The following RDX variants were observed in gnomAD, a reference collection of about 807,000 sequenced individuals.
The protein encoded by RDX is radixin, also known as deafness, autosomal recessive 24.
A neutral mutation model predicts 83.7 loss-of-function variants in RDX; 32 were observed. That is an observed-to-expected ratio of 0.38 (90% CI 0.29 to 0.51). RDX has a LOEUF of 0.51. RDX is among the 20% of genes least tolerant of loss of function. The pLI is 0.87. For synonymous variants in RDX, 229 were observed against 222.7 expected (o/e 1.03, Z -0.25); for missense variants, 600 against 689.9 (o/e 0.87, Z 1.46).
chr11:110,276,622 T>A (rs1481847449), intron 2 of RDX, among the ~76,000 whole-genome samples: 1 of 152,236 alleles, frequency 6.6e-6, no homozygotes, highest in African/African-American at 2.4e-5. Context: ...ACTATGGTTT[T>A]CTCACTGTAC....
intron 1 of RDX, among the ~76,000 whole-genome samples, chr11:110,283,749 A>C (rs1257641628): frequency 1.3e-5 from 2 of 152,162 alleles, no homozygotes; most frequent in African/African-American, 2.4e-5. Context: ...ACTTGAAAAA[A>C]ATTATAGTTT....
At chr11:110,259,680 T>G (rs1254588861) in intron 5 of RDX, among the ~76,000 whole-genome samples, 1 of 152,194 alleles carries the variant, frequency 6.6e-6, no homozygotes, top group Non-Finnish European at 1.5e-5. Context: ...CTTGTCTTTC[T>G]TGCTGTCTGG....
intron 3 of RDX, among the ~76,000 whole-genome samples, chr11:110,267,838 T>C (rs1258513455): frequency 1.3e-5 from 2 of 149,928 alleles, no homozygotes; most frequent in East Asian, 4.0e-4. Context: ...TCTGTAGTTC[T>C]AGCTAATCAG....
chr11:110,245,428 T>C (rs897984861), intron 10 of RDX, among the ~76,000 whole-genome samples: 1 of 152,160 alleles, frequency 6.6e-6, no homozygotes, highest in Non-Finnish European at 1.5e-5. Context: ...AGTGAGAACC[T>C]GTCTCACCAA....
intron 14 of RDX, among the ~76,000 whole-genome samples, chr11:110,214,736 C>G (rs1863967451): frequency 1.2e-5 from 1 of 81,078 alleles, no homozygotes; most frequent in East Asian, 5.6e-4. Flanking sequence ...TAAACTATCG[C>G]AAGAACAAAA....
intron 15 of RDX, among the ~76,000 whole-genome samples, chr11:110,188,280 G>C (rs1397174937): frequency 6.7e-6 from 1 of 148,432 alleles, no homozygotes; most frequent in Non-Finnish European, 1.5e-5. Flanking sequence ...GGCAACAAGA[G>C]CGAGACTCTG....
chr11:110,290,768 G>C (rs1025462508), intron 1 of RDX, among the ~76,000 whole-genome samples: 17 of 152,212 alleles, frequency 1.1e-4, no homozygotes, highest in Non-Finnish European at 1.9e-4. Flanking sequence ...TTCTACTGTT[G>C]TAGCAGGAAA....
intron 13 of RDX, 49 bp from the exon 14 acceptor site, chr11:110,232,082 A>G: frequency 6.9e-7 from 1 of 1,454,128 alleles, no homozygotes; most frequent in South Asian, 1.2e-5. Flanking sequence ...TTAGATTTAA[A>G]AAAATTTATG....
At chr11:110,183,109 C>G (rs1862919451) in intron 15 of RDX, among the ~76,000 whole-genome samples, 2 of 152,136 alleles carry the variant, frequency 1.3e-5, no homozygotes, top group Non-Finnish European at 2.9e-5. Flanking sequence ...ATGTGGGTTA[C>G]CCGCACCTTG....
chr11:110,200,963 G>A (rs547105106), intron 14 of RDX, among the ~76,000 whole-genome samples: 1 of 152,226 alleles, frequency 6.6e-6, no homozygotes, highest in South Asian at 2.1e-4. Flanking sequence ...ATCACCTGAG[G>A]TCGGGAGTTC....
chr11:110,262,806 G>A (rs893768133), intron 5 of RDX, among the ~76,000 whole-genome samples: 4 of 152,076 alleles, frequency 2.6e-5, no homozygotes, highest in Admixed American at 6.6e-5. Context: ...ATGTACCTAA[G>A]GTCACATATA....
chr11:110,199,509 T>A, intron 15 of RDX: 2 of 697,620 alleles, frequency 2.9e-6, no homozygotes, highest in Non-Finnish European at 5.2e-6. Flanking sequence ...ACCAGCATCC[T>A]GGCAGTGGAA....
rs554802369 is a variant in RDX at position 110,240,640 on chromosome 11, G to A, written c.1091-2988C>T. 3.3e-5 allele frequency among the ~76,000 whole-genome samples: 5 copies of A among 151,564 alleles called. No individual in the cohort carries two copies. In the East Asian group the frequency reaches 9.8e-4, roughly 30 times the overall value. ...GGCGCCTGTAGTCCCAGCTACTCGG[G>A]AGGCTGAGGCAGGAGAATGGCGTGA... is the stretch of plus-strand genomic sequence containing the variant. On this transcript the variant is annotated intron_variant, in intron 10 of 13. Coordinates refer to ENST00000645495, the MANE Select transcript of RDX (RefSeq NM_002906.4).
chr11:110,215,016 A>C (rs925905458), intron 14 of RDX, among the ~76,000 whole-genome samples: 6 of 139,398 alleles, frequency 4.3e-5, no homozygotes, highest in African/African-American at 1.4e-4. Flanking sequence ...AAAAATAAAA[A>C]AAACATTTAG....
intron 14 of RDX, among the ~76,000 whole-genome samples, chr11:110,204,877 G>T (rs1223780552): frequency 1.3e-5 from 2 of 152,124 alleles, no homozygotes; most frequent in African/African-American, 4.8e-5. Context: ...AGTCCCCAAA[G>T]TATTTTTTCC....
At chr11:110,207,215 C>T (rs1863637749) in intron 14 of RDX, among the ~76,000 whole-genome samples, 1 of 152,150 alleles carries the variant, frequency 6.6e-6, no homozygotes, top group African/African-American at 2.4e-5. Flanking sequence ...CTCAAGTGAT[C>T]CGCCCGCCTC....
At chr11:110,270,246 C>G (rs1290479886) in intron 3 of RDX, among the ~76,000 whole-genome samples, 4 of 151,992 alleles carry the variant, frequency 2.6e-5, no homozygotes, top group Non-Finnish European at 5.9e-5. Context: ...ATGGTATAGC[C>G]TACTACACAC....
At chr11:110,258,692 G>C (rs1451864313) in intron 5 of RDX, among the ~76,000 whole-genome samples, 1 of 151,740 alleles carries the variant, frequency 6.6e-6, no homozygotes, top group African/African-American at 2.4e-5. Flanking sequence ...AGAATTCTTG[G>C]GCCCTAATTC....
At chr11:110,220,945 C>G (rs914817666) in intron 14 of RDX, among the ~76,000 whole-genome samples, 1 of 151,362 alleles carries the variant, frequency 6.6e-6, no homozygotes, top group Non-Finnish European at 1.5e-5. Flanking sequence ...CCCTATACCC[C>G]TAATTTGGGG....
Sources: allele counts gnomAD v4.1 joint callset (sites outside exome capture counted in the v4.1 genomes callset), GRCh38; gene constraint gnomAD v4.1.1; transcripts MANE v1.5; gene names NCBI Gene and HGNC (gene_info 2026-07-23, HGNC 2026-07-21).